Variants in TMEM200A observed in about 807,000 individuals in gnomAD.
The protein encoded by TMEM200A is transmembrane protein 200A.
In TMEM200A, 12 loss-of-function variants were observed where a neutral mutation model predicts 24.3. That is an observed-to-expected ratio of 0.49 (90% CI 0.32 to 0.80). The LOEUF (loss-of-function observed/expected upper bound fraction) is 0.80. TMEM200A is among the 30% of genes least tolerant of loss of function. The pLI, the probability that TMEM200A is intolerant of heterozygous loss-of-function variation, is 0.04. For synonymous variants in TMEM200A, 224 were observed against 224.4 expected, an observed-to-expected ratio of 1.00 and a Z score of 0.02; for missense variants, 545 against 614.4, an observed-to-expected ratio of 0.89 and a Z score of 1.19.
chr6:130,430,277 A>G (rs1365839847), intron 2 of TMEM200A, among the ~76,000 whole-genome samples: 2 of 152,024 alleles, frequency 1.3e-5, no homozygotes, highest in South Asian at 2.1e-4. Flanking sequence ...TAATCCCATC[A>G]TGGACTCTAC....
chr6:130,392,509 C>G (rs1403692497), intron 2 of TMEM200A, among the ~76,000 whole-genome samples: 1 of 152,168 alleles, frequency 6.6e-6, no homozygotes, highest in African/African-American at 2.4e-5. Flanking sequence ...ACAGCAGTAG[C>G]CTTTTAAGCC....
intron 2 of TMEM200A, among the ~76,000 whole-genome samples, chr6:130,429,828 A>G (rs1377301978): frequency 6.6e-6 from 1 of 152,228 alleles, no homozygotes; most frequent in Non-Finnish European, 1.5e-5. Flanking sequence ...TAAATTAAAC[A>G]TGCTTCTCAC....
At chr6:130,382,063 G>GA in intron 1 of TMEM200A, 2 of 689,292 alleles carry the variant, frequency 2.9e-6, no homozygotes, top group Admixed American at 6.3e-5. Context: ...ATTTTTTTTG[G>GA]AAAAAAGAAT....
intron 1 of TMEM200A, among the ~76,000 whole-genome samples, chr6:130,373,667 T>C (rs534270293): frequency 6.6e-6 from 1 of 152,368 alleles, no homozygotes; most frequent in South Asian, 2.1e-4. Context: ...ATCTGTTTTT[T>C]GTGCATAAGG....
chr6:130,392,263 G>GCATA (rs1778852185), intron 2 of TMEM200A, among the ~76,000 whole-genome samples: 1 of 152,192 alleles, frequency 6.6e-6, no homozygotes. Flanking sequence ...AGAAAACAAT[G>GCATA]CATAGCCTGT....
chr6:130,390,402 C>T (rs878942418), intron 2 of TMEM200A, among the ~76,000 whole-genome samples: 5 of 152,192 alleles, frequency 3.3e-5, no homozygotes, highest in Admixed American at 2.6e-4. Context: ...ATGTAACACA[C>T]GTTGTGTATC....
intron 2 of TMEM200A, among the ~76,000 whole-genome samples, chr6:130,392,906 G>T (rs936836022): frequency 2.0e-5 from 3 of 152,092 alleles, no homozygotes; most frequent in African/African-American, 7.2e-5. Flanking sequence ...CATTCATTTT[G>T]ATTCCTCATT....
chr6:130,388,558 C>G (rs1186546681), intron 2 of TMEM200A, among the ~76,000 whole-genome samples: 1 of 152,182 alleles, frequency 6.6e-6, no homozygotes, highest in Non-Finnish European at 1.5e-5. Context: ...AATCTAAATT[C>G]ATATATCCTT....
chr6:130,429,105 A>G (rs1377283137), intron 2 of TMEM200A, among the ~76,000 whole-genome samples: 2 of 152,216 alleles, frequency 1.3e-5, no homozygotes, highest in Non-Finnish European at 2.9e-5. Flanking sequence ...CCGATTTTCC[A>G]TATATTTATG....
chr6:130,440,714 T>C lies in TMEM200A; in HGVS notation c.292T>C (p.Ser98Pro). The stretch of plus-strand genomic sequence containing the variant: ...TTTTATTGATGCTGAAACAACACTG[T>C]CAACAAATGAAACTCAGGTCATTCG... ...EHFIDAETTL[S>P]TNETQVIRNE... The change falls in exon 3 of 3, where the codon TCA becomes CCA. Residue 98 changes from serine to proline, a missense_variant. By Grantham distance (74) the Ser-to-Pro change is moderately conservative. Transcript: ENST00000296978. The C allele has an allele frequency of 6.2e-7, 1 of 1,614,118 alleles. No homozygotes were observed. The highest frequency in any genetic ancestry group is 8.5e-7 in the Non-Finnish European group (1 of 1,179,994).
chr6:130,369,987 C>G (rs183860221), intron 1 of TMEM200A, among the ~76,000 whole-genome samples: 2 of 152,250 alleles, frequency 1.3e-5, no homozygotes, highest in Admixed American at 1.3e-4. Context: ...GAATATTTAA[C>G]TAGGTAAAGC....
intron 2 of TMEM200A, among the ~76,000 whole-genome samples, chr6:130,409,069 T>G (rs1779274810): frequency 2.0e-5 from 3 of 152,186 alleles, no homozygotes; most frequent in Non-Finnish European, 4.4e-5. Flanking sequence ...CAGAGCCACA[T>G]GCATCTGAAT....
chr6:130,390,509 G>A (rs1778810175), intron 2 of TMEM200A, among the ~76,000 whole-genome samples: 2 of 152,190 alleles, frequency 1.3e-5, no homozygotes, highest in African/African-American at 4.8e-5. Context: ...TGATAGGACT[G>A]CTGAGGATTA....
chr6:130,398,308 G>A (rs1779001263), intron 2 of TMEM200A, among the ~76,000 whole-genome samples: 1 of 151,956 alleles, frequency 6.6e-6, no homozygotes, highest in South Asian at 2.1e-4. Context: ...TTTAATTTTT[G>A]TATGGCTGCA....
intron 2 of TMEM200A, among the ~76,000 whole-genome samples, chr6:130,403,698 G>T (rs1230185579): frequency 2.6e-5 from 4 of 151,456 alleles, no homozygotes; most frequent in African/African-American, 4.9e-5. Flanking sequence ...TAAGTTCAGG[G>T]GTACAAGTGC....
chr6:130,414,907 C>T (rs1161276738), intron 2 of TMEM200A, among the ~76,000 whole-genome samples: 3 of 152,106 alleles, frequency 2.0e-5, no homozygotes, highest in Admixed American at 6.6e-5. Flanking sequence ...TTTTTCTTTG[C>T]TCAGCACAGA....
chr6:130,372,235 A>G (rs983571255), intron 1 of TMEM200A, among the ~76,000 whole-genome samples: 3 of 152,204 alleles, frequency 2.0e-5, no homozygotes, highest in African/African-American at 4.8e-5. Context: ...CAGGAGGGGC[A>G]TATGGTTGTG....
rs113141189 is a variant in TMEM200A, at chr6:130,384,544, T to C, written c.-80-629T>C. 8.0e-4 allele frequency among the ~76,000 whole-genome samples: 122 copies of C among 152,258 alleles called. 1 individual carries two copies. The highest frequency in any genetic ancestry group is 2.7e-3 in the African/African-American group (111 of 41,558). ...CAAGGCTGGTCTTGAACTCCTGACC[T>C]CAAGGGATCCTCCTACCTTGGCCTT... is the stretch of plus-strand genomic sequence containing the variant. On this transcript the variant is annotated intron_variant, in intron 1 of 2. Coordinates refer to ENST00000296978, the MANE Select transcript of TMEM200A (RefSeq NM_001258277.2).
intron 2 of TMEM200A, chr6:130,439,071 G>T (rs1780091393): frequency 6.6e-6 from 1 of 152,200 alleles, no homozygotes; most frequent in Admixed American, 6.5e-5. Context: ...GCAAATTAAA[G>T]AGAAGAGTTA....
Sources: gnomAD v4.1 joint callset for allele counts (sites outside exome capture counted in the v4.1 genomes callset) on GRCh38, gnomAD v4.1.1 for gene constraint, MANE v1.5 for transcripts, NCBI Gene and HGNC (gene_info 2026-07-23, HGNC 2026-07-21) for gene names.